HHAT: variants seen among roughly 807,000 people sequenced by gnomAD.
The protein encoded by HHAT is hedgehog acyltransferase.
HHAT carries 47 observed loss-of-function variants against 70.8 expected under a neutral mutation model. That is an observed-to-expected ratio of 0.66 (90% CI 0.53 to 0.85). The LOEUF (loss-of-function observed/expected upper bound fraction) is 0.85, where lower values mean the gene tolerates loss of function less well. Ranked by LOEUF, HHAT falls within the 40% of genes least tolerant of loss-of-function variation. The probability of loss-of-function intolerance (pLI) is 0.00; values close to 1 mark genes in which losing one functional copy is unlikely to be tolerated. For missense variants in HHAT, 609 were observed against 604.8 expected (o/e 1.01, Z -0.07); for synonymous variants, 228 against 247.6 (o/e 0.92, Z 0.74).
chr1:210,662,544 G>A (rs1211358217), intron 11 of HHAT, among the ~76,000 whole-genome samples: 1 of 152,204 alleles, frequency 6.6e-6, no homozygotes, highest in African/African-American at 2.4e-5. Context: ...CTGGGGAAGT[G>A]TGTTATGACT....
chr1:210,588,267 G>T, intron 10 of HHAT, 168 bp downstream of exon 10: 1 of 596,422 alleles, frequency 1.7e-6, no homozygotes, highest in East Asian at 2.8e-5. Context: ...AGCTTCTGTA[G>T]TGCATATATG....
At chr1:210,432,963 T>C (rs2093287319) in intron 7 of HHAT, among the ~76,000 whole-genome samples, 1 of 151,860 alleles carries the variant, frequency 6.6e-6, no homozygotes, top group African/African-American at 2.4e-5. Flanking sequence ...TTCTGTCACT[T>C]TTAACCTCTC....
intron 10 of HHAT, among the ~76,000 whole-genome samples, chr1:210,622,272 A>C (rs6689744): frequency 6.6e-6 from 1 of 152,076 alleles, no homozygotes; most frequent in East Asian, 1.9e-4. Flanking sequence ...GAGGATATTC[A>C]GGAAATATCT....
intron 9 of HHAT, among the ~76,000 whole-genome samples, chr1:210,524,335 T>C (rs906694588): frequency 6.6e-6 from 1 of 152,054 alleles, no homozygotes; most frequent in African/African-American, 2.4e-5. Context: ...GGTGCAGGTG[T>C]GAGTGCCGTG....
chr1:210,493,928 G>C (rs149684435), intron 8 of HHAT, among the ~76,000 whole-genome samples: 6 of 152,266 alleles, frequency 3.9e-5, no homozygotes, highest in Non-Finnish European at 7.4e-5. Context: ...TTGTCAATCT[G>C]TCTTTAAAGT....
At chr1:210,348,491 G>A (rs1168206770) in intron 1 of HHAT, among the ~76,000 whole-genome samples, 1 of 152,120 alleles carries the variant, frequency 6.6e-6, no homozygotes, top group Non-Finnish European at 1.5e-5. Flanking sequence ...ACTTTTTGAA[G>A]CCATTTATTA....
chr1:210,450,294 T>TTG (rs1553374402), intron 7 of HHAT, among the ~76,000 whole-genome samples: 18 of 144,712 alleles, frequency 1.2e-4, no homozygotes, highest in East Asian at 4.2e-4. Context: ...GCGTCTCAGG[T>TTG]GGGGGGGGTG....
At chr1:210,624,797 A>G (rs766132917) in intron 11 of HHAT, among the ~76,000 whole-genome samples, 1 of 152,198 alleles carries the variant, frequency 6.6e-6, no homozygotes, top group East Asian at 1.9e-4. Context: ...ACATACTACT[A>G]TAGCCAACTT....
intron 9 of HHAT, among the ~76,000 whole-genome samples, chr1:210,556,630 A>G (rs2095575237): frequency 6.6e-6 from 1 of 152,160 alleles, no homozygotes; most frequent in Non-Finnish European, 1.5e-5. Context: ...AGGGGAGCTG[A>G]TATGACAGCT....
At chr1:210,639,869 A>G (rs1360448832) in intron 11 of HHAT, among the ~76,000 whole-genome samples, 2 of 152,164 alleles carry the variant, frequency 1.3e-5, no homozygotes, top group African/African-American at 4.8e-5. Context: ...AAGATTATTT[A>G]AAATGCAGAG....
chr1:210,445,729 A>C (rs2093621681), intron 7 of HHAT, among the ~76,000 whole-genome samples: 1 of 152,086 alleles, frequency 6.6e-6, no homozygotes, highest in African/African-American at 2.4e-5. Flanking sequence ...TGGTGGACTG[A>C]TTTTTTGTTA....
At chr1:210,616,230 A>C (rs1667699772) in intron 10 of HHAT, among the ~76,000 whole-genome samples, 1 of 151,906 alleles carries the variant, frequency 6.6e-6, no homozygotes, top group Non-Finnish European at 1.5e-5. Context: ...CAAGAATATG[A>C]CATATTGTTA....
chr1:210,636,472 G>T (rs1351567281), intron 11 of HHAT, among the ~76,000 whole-genome samples: 1 of 152,142 alleles, frequency 6.6e-6, no homozygotes, highest in East Asian at 1.9e-4. Context: ...TTATCCCAAA[G>T]GCTGCAGCAC....
intron 4 of HHAT, among the ~76,000 whole-genome samples, chr1:210,399,686 C>T (rs2091970055): frequency 6.6e-6 from 1 of 152,166 alleles, no homozygotes; most frequent in South Asian, 2.1e-4. Flanking sequence ...AAAGTTAAAA[C>T]ATTGTGGTTT....
In HHAT at chr1:210,400,531, G is replaced by T; in HGVS notation, c.337G>T (p.Gly113Cys). 4 of 1,614,080 alleles carry T rather than the reference G, an allele frequency of 2.5e-6. No individual in the cohort carries two copies. The highest frequency in any genetic ancestry group is 3.4e-6 in the Non-Finnish European group (4 of 1,180,018). The change falls in exon 5 of 12, where the codon GGT (glycine) becomes TGT (cysteine). Residue 113 changes from glycine (G) to cysteine (C), a missense_variant. By Grantham distance (159) the Gly-to-Cys change is radical (BLOSUM62 -3). Coordinates refer to ENST00000261458, the MANE Select transcript of HHAT (RefSeq NM_018194.6). ...CTGCTGGTGTGTGCTGGGGACCCCT[G>T]GTGTGGCTATGGTTTTGCTCCATAC... Reference protein sequence around the residue: ...WACWCVLGTPGVAMVLLHTTI... With the variant: ...WACWCVLGTPCVAMVLLHTTI...
At chr1:210,425,084 T>G (rs2093022011) in intron 7 of HHAT, among the ~76,000 whole-genome samples, 1 of 152,226 alleles carries the variant, frequency 6.6e-6, no homozygotes, top group African/African-American at 2.4e-5. Flanking sequence ...TTGATTTGCA[T>G]TTCTCTAATG....
At position 210,373,967 on chromosome 1, in the gene HHAT, G is replaced by A. The variant is rs147600875; in HGVS notation, c.159+11048G>A. On this transcript the variant is annotated intron_variant, in intron 3 of 11. Coordinates refer to ENST00000261458, the MANE Select transcript of HHAT (RefSeq NM_018194.6). ...AATGTTGCTAATTAGCAAGTCAGAT[G>A]TCACCAGGGAAAGTTACACAGACTT... 2.7e-3 allele frequency among the ~76,000 whole-genome samples: 405 copies of A among 152,262 alleles called. 10 individuals carry two copies. Among genetic ancestry groups the A allele is most frequent in the East Asian group, 0.01 (53 of 5,186 alleles).
intron 3 of HHAT, among the ~76,000 whole-genome samples, chr1:210,367,733 T>G (rs563445859): frequency 6.6e-6 from 1 of 152,348 alleles, no homozygotes; most frequent in African/African-American, 2.4e-5. Context: ...AGAATGCTTT[T>G]GATCTTTGTC....
chr1:210,623,247 T>C (rs7548424), intron 10 of HHAT, among the ~76,000 whole-genome samples: 125,405 of 152,048 alleles, frequency 0.82, 53,501 homozygotes, highest in South Asian at 0.94. Flanking sequence ...AATTTTTAAA[T>C]TGTTTTTGTA....
Sources: allele counts gnomAD v4.1 joint callset (sites outside exome capture counted in the v4.1 genomes callset), GRCh38; gene constraint gnomAD v4.1.1; transcripts MANE v1.5; gene names NCBI Gene and HGNC (gene_info 2026-07-23, HGNC 2026-07-21).